Variants in PTBP3 observed in about 807,000 individuals in gnomAD.
PTBP3 encodes the protein polypyrimidine tract binding protein 3, also known as polypyrimidine tract-binding protein 3.
A neutral mutation model predicts 58.7 loss-of-function variants in PTBP3; 20 were observed. The observed-to-expected ratio is 0.34, with a 90% CI of 0.24 to 0.50. The LOEUF (loss-of-function observed/expected upper bound fraction) is 0.50, where lower values mean the gene tolerates loss of function less well. PTBP3 is among the 20% of genes least tolerant of loss of function. PTBP3 has a pLI of 0.98. For missense variants in PTBP3, 509 were observed against 637.2 expected (o/e 0.80, Z 2.17); for synonymous variants, 185 against 219.8 (o/e 0.84, Z 1.40).
At chr9:112,258,355 T>C (rs1836459067) in intron 5 of PTBP3, among the ~76,000 whole-genome samples, 1 of 152,202 alleles carries the variant, frequency 6.6e-6, no homozygotes, top group African/African-American at 2.4e-5. Flanking sequence ...TGAGATGATG[T>C]CATCCAGTCC....
At chr9:112,227,983 A>T (rs994760581) in intron 11 of PTBP3, among the ~76,000 whole-genome samples, 4 of 152,222 alleles carry the variant, frequency 2.6e-5, no homozygotes, top group Admixed American at 1.3e-4. Context: ...CAGCTTTTAT[A>T]ACAGTGAAGC....
chr9:112,275,741 T>C, intron 3 of PTBP3, 103 bp downstream of exon 3: 1 of 1,095,690 alleles, frequency 9.1e-7, no homozygotes, highest in Non-Finnish European at 1.3e-6. Flanking sequence ...ATGTTCATAG[T>C]ATGAAATTTT....
At chr9:112,379,408 T>C in the PTBP3 span, among the ~76,000 whole-genome samples, 11 of 152,240 alleles carry the variant, frequency 7.2e-5, no homozygotes, top group Non-Finnish European at 1.2e-4. Flanking sequence ...AATGTCAGAA[T>C]TGATCTCATT....
the PTBP3 span, chr9:112,379,858 G>GA: frequency 5.7e-6 from 3 of 525,044 alleles, no homozygotes; most frequent in Non-Finnish European, 6.7e-6. Flanking sequence ...GCCGACAGGA[G>GA]CCTGATTGTC....
At chr9:112,325,876 G>A (rs7043856) in intron 1 of PTBP3, among the ~76,000 whole-genome samples, 10 of 151,866 alleles carry the variant, frequency 6.6e-5, no homozygotes, top group Non-Finnish European at 1.5e-4. Flanking sequence ...AAATTAGCCC[G>A]GAGCGGTGGA....
intron 5 of PTBP3, among the ~76,000 whole-genome samples, chr9:112,258,345 T>C (rs1045938154): frequency 1.3e-5 from 2 of 152,208 alleles, no homozygotes; most frequent in Non-Finnish European, 2.9e-5. Flanking sequence ...ACAAATACTC[T>C]GAGATGATGT....
At chr9:112,320,657 G>A (rs929064861) in intron 1 of PTBP3, among the ~76,000 whole-genome samples, 2 of 151,904 alleles carry the variant, frequency 1.3e-5, no homozygotes, top group African/African-American at 2.4e-5. Context: ...TAAACCCACC[G>A]TCATCAAGAC....
At chr9:112,379,053 G>C in the PTBP3 span, among the ~76,000 whole-genome samples, 16 of 152,188 alleles carry the variant, frequency 1.1e-4, no homozygotes, top group Non-Finnish European at 1.9e-4. Flanking sequence ...GCCAGGCGTG[G>C]TGATGCATGC....
intron 1 of PTBP3, among the ~76,000 whole-genome samples, chr9:112,309,666 T>C (rs1829393057): frequency 6.6e-6 from 1 of 151,856 alleles, no homozygotes; most frequent in Non-Finnish European, 1.5e-5. Context: ...TGGACGCCTG[T>C]AATCCCAGCT....
At chr9:112,359,012 A>AT in the PTBP3 span, among the ~76,000 whole-genome samples, 1 of 152,094 alleles carries the variant, frequency 6.6e-6, no homozygotes, top group Non-Finnish European at 1.5e-5. Flanking sequence ...AATTTTTATA[A>AT]TTTTTTGTAG....
Position 112,221,409 on chromosome 9 carries a change from T to C in PTBP3, c.*2442A>G, listed in dbSNP as rs900439303. The C allele has an allele frequency of 1.5e-5, 15 of 985,720 alleles. No homozygotes were observed. Among genetic ancestry groups the C allele is most frequent in the African/African-American group, 1.7e-5 (1 of 57,238 alleles). The allele number at this position is 985,720 out of a possible 1,614,324, so 61.1% of individuals were successfully genotyped here. A position where few individuals can be genotyped will look rare whatever the true frequency, so the allele number is the denominator to read the frequency against. On this transcript the variant is annotated 3_prime_UTR_variant, in exon 14 of 14. Transcript: ENST00000374257. Reference sequence around the variant, plus strand: ...CACCACTATGATCCCCTTCCGTTATTAGCAACTTTGCTACACTTATGCTGA... The same window carrying C: ...CACCACTATGATCCCCTTCCGTTATCAGCAACTTTGCTACACTTATGCTGA...
At position 112,221,212 on chromosome 9, in the gene PTBP3, T is replaced by C; in HGVS notation, c.*2639A>G. On this transcript the variant is annotated 3_prime_UTR_variant, in exon 14 of 14. Transcript: ENST00000374257. ...TGTCAATAAATTAAAATGTATGTAA[T>C]GTGCATATGTATATACAACTTTAGA... 1.0e-6 allele frequency: 1 copy of C among 985,114 alleles called. No homozygotes were observed. The highest frequency in any genetic ancestry group is 1.7e-5 in the African/African-American group (1 of 57,346). 61.0% of individuals were successfully genotyped at this position (985,114 alleles called of 1,614,324 possible).
intron 7 of PTBP3, among the ~76,000 whole-genome samples, chr9:112,236,087 A>AT: frequency 6.6e-6 from 1 of 152,206 alleles, no homozygotes; most frequent in Non-Finnish European, 1.5e-5. Flanking sequence ...AGGCACAAGT[A>AT]TGTAGGCTCT....
chr9:112,275,606 A>G (rs926624409), intron 3 of PTBP3, among the ~76,000 whole-genome samples: 1 of 152,216 alleles, frequency 6.6e-6, no homozygotes, highest in Non-Finnish European at 1.5e-5. Context: ...AAAAAAATAT[A>G]AAATTTGTGT....
At chr9:112,348,625 A>C in the PTBP3 span, among the ~76,000 whole-genome samples, 1 of 152,358 alleles carries the variant, frequency 6.6e-6, no homozygotes, top group Non-Finnish European at 1.5e-5. Flanking sequence ...CAAGTTATAA[A>C]ACCCCAAGTC....
the PTBP3 span, among the ~76,000 whole-genome samples, chr9:112,367,320 T>C: frequency 6.6e-6 from 1 of 152,232 alleles, no homozygotes; most frequent in South Asian, 2.1e-4. Context: ...TATACTTGCA[T>C]GTTTTCATTT....
intron 10 of PTBP3, 104 bp from the exon 11 acceptor site, chr9:112,228,576 A>C: frequency 1.5e-6 from 1 of 663,314 alleles, no homozygotes; most frequent in Non-Finnish European, 2.4e-6. Flanking sequence ...CTCCCTTGGC[A>C]ATTCCATACA....
At chr9:112,292,329 G>C (rs1828471002) in intron 2 of PTBP3, among the ~76,000 whole-genome samples, 1 of 152,140 alleles carries the variant, frequency 6.6e-6, no homozygotes, top group Admixed American at 6.5e-5. Context: ...TGTACCACTG[G>C]TGGGAATAAT....
intron 1 of PTBP3, among the ~76,000 whole-genome samples, chr9:112,306,588 A>G (rs1017161319): frequency 3.5e-4 from 35 of 98,780 alleles, no homozygotes; most frequent in South Asian, 1.5e-3. Flanking sequence ...TTAAATTTGT[A>G]TATATATATA....
Sources: allele counts gnomAD v4.1 joint callset (sites outside exome capture counted in the v4.1 genomes callset), GRCh38; gene constraint gnomAD v4.1.1; transcripts MANE v1.5; gene names NCBI Gene and HGNC (gene_info 2026-07-23, HGNC 2026-07-21).